The following PDHX variants were observed in gnomAD, a reference collection of about 807,000 sequenced individuals.
PDHX encodes the protein pyruvate dehydrogenase complex component X.
In PDHX, 33 loss-of-function variants were observed where a neutral mutation model predicts 55.3. The ratio of observed to expected loss-of-function variants is 0.60; its 90% CI spans 0.45 to 0.80. The LOEUF (loss-of-function observed/expected upper bound fraction) is 0.80. Among genes scored for constraint, PDHX ranks in the 30% least tolerant of loss-of-function variants. PDHX has a pLI of 0.00. For missense variants in PDHX, 622 were observed against 619.9 expected, an observed-to-expected ratio of 1.00 and a Z score of -0.04; for synonymous variants, 226 against 219.4, an observed-to-expected ratio of 1.03 and a Z score of -0.27.
intron 7 of PDHX, among the ~76,000 whole-genome samples, chr11:34,970,804 C>T (rs866650244): frequency 1.3e-5 from 2 of 152,162 alleles, no homozygotes; most frequent in African/African-American, 4.8e-5. Context: ...TGTAATATTA[C>T]AAAATCTGAA....
chr11:34,935,418 A>G (rs79042178), intron 2 of PDHX, among the ~76,000 whole-genome samples: 8,431 of 152,262 alleles, frequency 0.055, 379 homozygotes, highest in African/African-American at 0.12. Flanking sequence ...TACAGTGCTT[A>G]TACAGAAGGA....
At chr11:34,977,786 C>A (rs762813861) in intron 7 of PDHX, 83 of 463,374 alleles carry the variant, frequency 1.8e-4, no homozygotes, top group Middle Eastern at 3.2e-4. Flanking sequence ...ACAGAGAGAT[C>A]ATTTGTCTTT....
intron 9 of PDHX, among the ~76,000 whole-genome samples, chr11:34,991,577 G>A (rs889677273): frequency 1.3e-5 from 2 of 151,922 alleles, no homozygotes; most frequent in African/African-American, 4.8e-5. Flanking sequence ...TGGGATTGTG[G>A]GTATACTACT....
Position 34,980,352 on chromosome 11 carries a change from C to CTTTTTTT in PDHX, c.1023+2178_1023+2184dup, listed in dbSNP as rs57927359. 4.0e-5 allele frequency among the ~76,000 whole-genome samples: 3 copies of CTTTTTTT among 74,860 alleles called. 1 individual carries two copies. Among genetic ancestry groups the CTTTTTTT allele is most frequent in the African/African-American group, 1.0e-4 (2 of 20,002 alleles). The allele number at this position is 74,860 out of a possible 152,430, so 49.1% of individuals were successfully genotyped here. On this transcript the variant is annotated intron_variant, in intron 8 of 10. Coordinates refer to ENST00000227868, the MANE Select transcript of PDHX (RefSeq NM_003477.3). ...TTTTTAATAAGGTTTAAGATAGTTT[C>CTTTTTTT]TTTTTTTTTTTTTTGAGCAGCAGCA...
intron 2 of PDHX, 94 bp downstream of exon 2, chr11:34,931,578 GT>G (rs1404988350): frequency 2.9e-6 from 2 of 698,776 alleles, no homozygotes. Flanking sequence ...TATACAGTAT[GT>G]GATATAAATT....
intron 1 of PDHX, among the ~76,000 whole-genome samples, chr11:34,919,551 C>G (rs7479823): frequency 0.22 from 33,783 of 152,128 alleles, 4,918 homozygotes; most frequent in Non-Finnish European, 0.34. Flanking sequence ...CTCACATAAC[C>G]TAGTAAAGTT....
chr11:34,932,593 G>A (rs932566525), intron 2 of PDHX, among the ~76,000 whole-genome samples: 2 of 152,200 alleles, frequency 1.3e-5, no homozygotes, highest in African/African-American at 4.8e-5. Flanking sequence ...TCTTGATGAT[G>A]CTGTGGAGGG....
At chr11:34,970,111 T>G in intron 6 of PDHX, 28 bp from the exon 7 acceptor site, 1 of 1,609,382 alleles carries the variant, frequency 6.2e-7, no homozygotes, top group South Asian at 1.1e-5. Context: ...ACTTGTGGTT[T>G]AACGGACAGG....
chr11:34,936,801 T>TTTTGTTTTG (rs1565151976), intron 2 of PDHX, among the ~76,000 whole-genome samples: 1 of 133,928 alleles, frequency 7.5e-6, no homozygotes, highest in African/African-American at 3.0e-5. Flanking sequence ...TTTTTTTTTT[T>TTTTGTTTTG]TTTTCTGAGA....
At chr11:34,921,099 C>G (rs1215880373) in intron 1 of PDHX, among the ~76,000 whole-genome samples, 1 of 152,164 alleles carries the variant, frequency 6.6e-6, no homozygotes, top group Non-Finnish European at 1.5e-5. Context: ...CCTTTGAATT[C>G]TCATTTAACT....
intron 9 of PDHX, among the ~76,000 whole-genome samples, chr11:34,989,466 G>A (rs919938063): frequency 6.6e-6 from 1 of 152,218 alleles, no homozygotes. Flanking sequence ...AGGAATGTGA[G>A]GTTGTGGTCT....
At chr11:34,971,579 A>G (rs901599700) in intron 7 of PDHX, among the ~76,000 whole-genome samples, 3 of 152,146 alleles carry the variant, frequency 2.0e-5, no homozygotes, top group Admixed American at 6.5e-5. Context: ...AATAAGGTGA[A>G]TTACATTGGT....
At chr11:34,918,727 G>A (rs1340349196) in intron 1 of PDHX, among the ~76,000 whole-genome samples, 1 of 152,196 alleles carries the variant, frequency 6.6e-6, no homozygotes, top group Non-Finnish European at 1.5e-5. Flanking sequence ...GAGGTCCGAA[G>A]TCCAAAATGG....
intron 4 of PDHX, among the ~76,000 whole-genome samples, chr11:34,960,114 C>T (rs967113851): frequency 6.6e-6 from 1 of 152,074 alleles, no homozygotes; most frequent in East Asian, 1.9e-4. Flanking sequence ...ACGAAGGAAA[C>T]AATTGGTAGT....
intron 6 of PDHX, among the ~76,000 whole-genome samples, chr11:34,968,088 T>C (rs191561375): frequency 5.1e-4 from 78 of 152,056 alleles, no homozygotes; most frequent in African/African-American, 1.9e-3. Flanking sequence ...CTGGGCAACA[T>C]AGTGAGACCT....
chr11:34,923,681 G>A (rs2986409), intron 1 of PDHX, among the ~76,000 whole-genome samples: 54,075 of 151,908 alleles, frequency 0.36, 10,204 homozygotes, highest in East Asian at 0.74. Context: ...ATGGTCTAAT[G>A]GCATTTTTAT....
At chr11:34,937,726 G>A (rs148787395) in intron 2 of PDHX, among the ~76,000 whole-genome samples, 2 of 152,206 alleles carry the variant, frequency 1.3e-5, no homozygotes, top group African/African-American at 4.8e-5. Flanking sequence ...CCCCTAAAGA[G>A]TCCTCCTGAG....
At chr11:34,987,176 T>G (rs566142454) in intron 9 of PDHX, among the ~76,000 whole-genome samples, 1 of 152,318 alleles carries the variant, frequency 6.6e-6, no homozygotes, top group African/African-American at 2.4e-5. Flanking sequence ...TTTTCCTGTC[T>G]AATCATTCAC....
chr11:34,986,322 A>AAG (rs1554922603), intron 9 of PDHX, among the ~76,000 whole-genome samples: 4,867 of 147,430 alleles, frequency 0.033, 124 homozygotes, highest in East Asian at 0.061. Flanking sequence ...AAAAAAAAAA[A>AAG]AAAAGAAAGG....
Sources: allele counts gnomAD v4.1 joint callset (sites outside exome capture counted in the v4.1 genomes callset), GRCh38; gene constraint gnomAD v4.1.1; transcripts MANE v1.5; gene names NCBI Gene and HGNC (gene_info 2026-07-23, HGNC 2026-07-21).